SVOPL: variants seen among roughly 807,000 people sequenced by gnomAD.
SVOPL encodes putative transporter SVOPL.
SVOPL carries 60 observed loss-of-function variants against 61.0 expected under a neutral mutation model. That is an observed-to-expected ratio of 0.98 (90% confidence interval 0.80 to 1.22). SVOPL has a LOEUF of 1.22. Among genes scored for constraint, SVOPL ranks in the 50% most tolerant of loss-of-function variants. The pLI is 0.00. For synonymous variants in SVOPL, 279 were observed against 250.0 expected (o/e 1.12, Z -1.09); for missense variants, 662 against 643.9 (o/e 1.03, Z -0.30).
chr7:138,661,146 T>G (rs1189950977), intron 5 of SVOPL: 2 of 985,274 alleles, frequency 2.0e-6, no homozygotes. Flanking sequence ...TCCTTTGAGA[T>G]TCCTCCATTT....
chr7:138,600,474 C>T (rs373626967), intron 14 of SVOPL, among the ~76,000 whole-genome samples: 16 of 151,614 alleles, frequency 1.1e-4, no homozygotes, highest in African/African-American at 2.2e-4. Context: ...CAGCAGCACA[C>T]GCCTGTACTC....
chr7:138,669,899 C>T (rs1347626411), intron 4 of SVOPL, among the ~76,000 whole-genome samples: 4 of 151,956 alleles, frequency 2.6e-5, no homozygotes, highest in Non-Finnish European at 5.9e-5. Context: ...GGAAGTTTTC[C>T]CTTGGCACTT....
chr7:138,648,532 CCAAA>C (rs1200529928), intron 8 of SVOPL, among the ~76,000 whole-genome samples: 2,386 of 103,970 alleles, frequency 0.023, 71 homozygotes, highest in East Asian at 0.21. Context: ...TACTAAAAAT[CCAAA>C]AAAAAAAAAA....
chr7:138,698,168 A>AGGAGGGGAAAAGAAG (rs141318394), intron 1 of SVOPL, among the ~76,000 whole-genome samples: 93,720 of 149,812 alleles, frequency 0.63, 32,008 homozygotes, highest in African/African-American at 0.91. Context: ...GAGGGAAAGA[A>AGGAGGGGAAAAGAAG]GGAGGGGGAA....
At chr7:138,662,456 T>C in intron 5 of SVOPL, 1 of 985,386 alleles carries the variant, frequency 1.0e-6, no homozygotes, top group African/African-American at 1.7e-5. Flanking sequence ...GTTAGAGACT[T>C]TATGGACACT....
chr7:138,660,554 A>T, intron 5 of SVOPL: 1 of 985,932 alleles, frequency 1.0e-6, no homozygotes, highest in African/African-American at 1.7e-5. Flanking sequence ...ATGTACTTTC[A>T]TACATGTAAT....
At chr7:138,679,807 T>C (rs1802660377) in intron 1 of SVOPL, among the ~76,000 whole-genome samples, 2 of 152,200 alleles carry the variant, frequency 1.3e-5, no homozygotes, top group Admixed American at 1.3e-4. Context: ...AGGGATGTAT[T>C]TGTCACTAAT....
intron 1 of SVOPL, among the ~76,000 whole-genome samples, chr7:138,687,000 A>G (rs903539272): frequency 2.0e-5 from 3 of 152,230 alleles, no homozygotes; most frequent in Non-Finnish European, 4.4e-5. Context: ...AATAATGCTC[A>G]GAGATAATCC....
chr7:138,603,426 G>A (rs1161608816), intron 14 of SVOPL, among the ~76,000 whole-genome samples: 6 of 152,210 alleles, frequency 3.9e-5, no homozygotes, highest in African/African-American at 1.4e-4. Flanking sequence ...GCTCATGCCT[G>A]TAATCCCAGC....
intron 1 of SVOPL, among the ~76,000 whole-genome samples, chr7:138,699,364 T>C (rs936543072): frequency 1.3e-5 from 2 of 152,126 alleles, no homozygotes; most frequent in Non-Finnish European, 2.9e-5. Context: ...CAAATACATA[T>C]ATGTCTCCAA....
intron 14 of SVOPL, among the ~76,000 whole-genome samples, chr7:138,611,912 A>T (rs1373709515): frequency 4.2e-5 from 1 of 24,026 alleles, no homozygotes; most frequent in Non-Finnish European, 8.3e-5. Context: ...CAGCTCATTG[A>T]GAACGGGCCA....
chr7:138,627,280 A>G, intron 12 of SVOPL, 70 bp downstream of exon 12: 1 of 1,181,004 alleles, frequency 8.5e-7, no homozygotes, highest in Non-Finnish European at 1.2e-6. Context: ...GAAACTACTG[A>G]ACACCATGGG....
intron 3 of SVOPL, among the ~76,000 whole-genome samples, chr7:138,677,865 C>T (rs759775253): frequency 1.3e-5 from 2 of 151,122 alleles, no homozygotes; most frequent in Non-Finnish European, 2.9e-5. Context: ...TGGGTTCAAG[C>T]GATTCTCCTG....
At position 138,596,470 on chromosome 7, in the gene SVOPL, A is replaced by G. The variant is rs1263333603; in HGVS notation, c.1414T>C (p.Cys472Arg). The change falls in exon 15 of 16, where the codon TGC becomes CGC. Residue 472 changes from cysteine (C) to arginine (R), a missense_variant. Coordinates refer to ENST00000674285, the MANE Select transcript of SVOPL (RefSeq NM_001139456.2). Reference protein sequence around the residue: ...LCLFSSVCVVCAISAFTLPIE... With the variant: ...LCLFSSVCVVRAISAFTLPIE... ...GGGAGAGTGAATGCAGAAATGGCGCATACAACACAGACAGATGAGAAGAGA... is the reference window on the plus strand; with the variant it reads ...GGGAGAGTGAATGCAGAAATGGCGCGTACAACACAGACAGATGAGAAGAGA... 1 of 1,613,888 alleles carries G rather than the reference A, an allele frequency of 6.2e-7. No homozygotes were observed. The highest frequency in any genetic ancestry group is 8.5e-7 in the Non-Finnish European group (1 of 1,179,936).
At chr7:138,678,403 C>A in intron 3 of SVOPL, 31 bp downstream of exon 3, 6 of 1,543,988 alleles carry the variant, frequency 3.9e-6, no homozygotes, top group Non-Finnish European at 5.2e-6. Flanking sequence ...GAGTTTGACA[C>A]TTTTCGTCAA....
Position 138,626,030 on chromosome 7 carries a change from A to C in SVOPL, c.1202T>G (p.Leu401Arg). The C allele has an allele frequency of 6.2e-7, 1 of 1,614,166 alleles. No individual in the cohort carries two copies. The highest frequency in any genetic ancestry group is 8.5e-7 in the Non-Finnish European group (1 of 1,180,036). Reference protein sequence around the residue: ...CTSSAGLIGFLFMLRALVAAN... With the variant: ...CTSSAGLIGFRFMLRALVAAN... The stretch of plus-strand genomic sequence containing the variant: ...AGCTACCAGAGCCCTCAGCATGAAG[A>C]GGAAGCCAATCAGGCCGGCACTAGA... The change falls in exon 13 of 16, where the codon CTC (leucine) becomes CGC (arginine). Residue 401 changes from leucine to arginine, a missense_variant. Physicochemically the swap from Leu to Arg is moderately radical, Grantham distance 102 (BLOSUM62 -2). Coordinates refer to ENST00000674285, the MANE Select transcript of SVOPL (RefSeq NM_001139456.2).
chr7:138,639,569 G>A (rs1320942631), intron 9 of SVOPL, among the ~76,000 whole-genome samples: 1 of 150,312 alleles, frequency 6.7e-6, no homozygotes. Flanking sequence ...AGAGGTTGCA[G>A]AGACTGTGCC....
chr7:138,663,546 G>A, intron 4 of SVOPL: 5 of 997,386 alleles, frequency 5.0e-6, no homozygotes, highest in Non-Finnish European at 6.0e-6. Flanking sequence ...ATTACAAATA[G>A]ACATAACTTT....
At chr7:138,700,924 G>A (rs1188640791) in intron 1 of SVOPL, among the ~76,000 whole-genome samples, 1 of 152,072 alleles carries the variant, frequency 6.6e-6, no homozygotes, top group Non-Finnish European at 1.5e-5. Flanking sequence ...AAATTCTAAA[G>A]GACTGATTGA....
Sources: allele counts gnomAD v4.1 joint callset (sites outside exome capture counted in the v4.1 genomes callset), GRCh38; gene constraint gnomAD v4.1.1; transcripts MANE v1.5; gene names NCBI Gene and HGNC (gene_info 2026-07-23, HGNC 2026-07-21).